The following MIPOL1 variants were observed in gnomAD, a reference collection of about 807,000 sequenced individuals.
MIPOL1 encodes mirror-image polydactyly 1.
A neutral mutation model predicts 60.9 loss-of-function variants in MIPOL1; 57 were observed. The observed-to-expected ratio is 0.94, with a 90% CI of 0.76 to 1.17. The LOEUF (loss-of-function observed/expected upper bound fraction) is 1.17, where lower values mean the gene tolerates loss of function less well. MIPOL1 is among the 50% of genes most tolerant of loss of function. The pLI is 0.00. For missense variants in MIPOL1, 551 were observed against 511.6 expected (o/e 1.08, Z -0.74); for synonymous variants, 179 against 168.8 (o/e 1.06, Z -0.47).
intron 9 of MIPOL1, among the ~76,000 whole-genome samples, chr14:37,338,490 C>A (rs1016353818): frequency 1.0e-4 from 15 of 149,706 alleles, no homozygotes. Context: ...CTCACTGCAA[C>A]CTCTGCCTCC....
intron 10 of MIPOL1, among the ~76,000 whole-genome samples, chr14:37,408,642 A>T (rs1292235435): frequency 6.6e-6 from 1 of 152,152 alleles, no homozygotes; most frequent in Non-Finnish European, 1.5e-5. Flanking sequence ...ACAAAACAAA[A>T]AAAGTCAGGA....
At position 37,201,126 on chromosome 14, in the gene MIPOL1, A is replaced by G. The variant is rs138823907; in HGVS notation, c.-199+3022A>G. Among the ~76,000 whole-genome samples the G allele has an allele frequency of 5.6e-3, 852 of 151,818 alleles. 6 individuals are homozygous for G. The highest frequency in any genetic ancestry group is 0.019 in the African/African-American group (805 of 41,370). ...TGCCATGTTGCCCAGGCTGGTTTTA[A>G]ACTCCTGAGCTCAAGTGATCCTCCT... On this transcript the variant is annotated intron_variant, in intron 1 of 12. Transcript: ENST00000684589.
At chr14:37,351,015 A>G (rs1420877261) in intron 9 of MIPOL1, among the ~76,000 whole-genome samples, 1 of 142,558 alleles carries the variant, frequency 7.0e-6, no homozygotes, top group East Asian at 2.2e-4. Flanking sequence ...CCACTAACTC[A>G]TCATCTAGCA....
intron 11 of MIPOL1, among the ~76,000 whole-genome samples, chr14:37,478,753 C>T (rs549526963): frequency 7.9e-5 from 12 of 151,890 alleles, no homozygotes; most frequent in East Asian, 7.7e-4. Context: ...CAAAAGATAG[C>T]GGGGGTAGCT....
At position 37,252,650 on chromosome 14, in the gene MIPOL1, T is replaced by C. The variant is rs1013571251; in HGVS notation, c.19+4743T>C. Among the ~76,000 whole-genome samples the C allele has an allele frequency of 3.0e-4, 46 of 151,984 alleles. 1 individual carries two copies. The highest frequency in any genetic ancestry group is 3.0e-3 in the Admixed American group (46 of 15,242). On this transcript the variant is annotated intron_variant, in intron 3 of 12. Coordinates refer to ENST00000684589, the MANE Select transcript of MIPOL1 (RefSeq NM_001388067.1). Reference sequence around the variant, plus strand: ...TGTGTGCCACCATCAACCTCTTGTATTATTGATTCATTTATCTTTCTCTCT... The same window carrying C: ...TGTGTGCCACCATCAACCTCTTGTACTATTGATTCATTTATCTTTCTCTCT...
chr14:37,443,292 C>T (rs1368673396), intron 11 of MIPOL1, among the ~76,000 whole-genome samples: 1 of 151,656 alleles, frequency 6.6e-6, no homozygotes, highest in Non-Finnish European at 1.5e-5. Context: ...GACCCTATCT[C>T]TACTAAAAAT....
intron 9 of MIPOL1, among the ~76,000 whole-genome samples, chr14:37,355,082 G>A (rs1248686932): frequency 2.7e-5 from 4 of 148,524 alleles, no homozygotes; most frequent in African/African-American, 9.9e-5. Flanking sequence ...TCCTTCAGGA[G>A]CTCTTTTAGG....
intron 11 of MIPOL1, among the ~76,000 whole-genome samples, chr14:37,435,136 T>TA (rs1419436970): frequency 1.3e-5 from 2 of 152,196 alleles, no homozygotes; most frequent in African/African-American, 4.8e-5. Flanking sequence ...ATATTACTTA[T>TA]AAAATGGATG....
rs144897076 is a variant in MIPOL1 at position 37,360,147 on chromosome 14, G to A, written c.829-9370G>A. ...TTATTGATTTGCATATGTTGAACCA[G>A]CCTTGCATCCCGGGGATGAAGCCGA... is the stretch of plus-strand genomic sequence containing the variant. On this transcript the variant is annotated intron_variant, in intron 9 of 12. Coordinates refer to ENST00000684589, the MANE Select transcript of MIPOL1 (RefSeq NM_001388067.1). Among the ~76,000 whole-genome samples, 1,435 of 152,130 alleles carry A rather than the reference G, an allele frequency of 9.4e-3. 19 individuals are homozygous for A. The highest frequency in any genetic ancestry group is 0.012 in the Non-Finnish European group (825 of 67,988).
rs148704060 is a variant in MIPOL1 at position 37,522,273 on chromosome 14, C to T, written c.1262+22135C>T. 1.5e-3 allele frequency among the ~76,000 whole-genome samples: 224 copies of T among 152,118 alleles called. 1 individual carries two copies. The highest frequency in any genetic ancestry group is 4.6e-3 in the African/African-American group (189 of 41,512). ...CATATTAATGTTAAGTGTTACTTTA[C>T]GCATCTTCAAATAAGAAAACGTTTT... is the stretch of plus-strand genomic sequence containing the variant. On this transcript the variant is annotated intron_variant, in intron 12 of 12. Transcript: ENST00000684589.
chr14:37,474,327 C>A (rs1283208197), intron 11 of MIPOL1, among the ~76,000 whole-genome samples: 1 of 152,144 alleles, frequency 6.6e-6, no homozygotes, highest in East Asian at 1.9e-4. Flanking sequence ...TGTGTCCCCA[C>A]CCAAATCTCA....
At chr14:37,447,996 G>C (rs2094362827) in intron 11 of MIPOL1, among the ~76,000 whole-genome samples, 4 of 151,942 alleles carry the variant, frequency 2.6e-5, no homozygotes, top group Admixed American at 2.6e-4. Flanking sequence ...ACTCTTGACT[G>C]GTTTTATAAA....
In MIPOL1 at chr14:37,546,974, G is replaced by GA. The variant is rs5807955; in HGVS notation, c.*11dup. On this transcript the variant is annotated 3_prime_UTR_variant, in exon 13 of 13. Coordinates refer to ENST00000684589, the MANE Select transcript of MIPOL1 (RefSeq NM_001388067.1). ...GGACCATGAGGACAGTGATCTGATTGAAAAAAAACGACAGTCTGGGGAAGC... is the reference window on the plus strand; with the variant it reads ...GGACCATGAGGACAGTGATCTGATTGAAAAAAAAACGACAGTCTGGGGAAGC... 155,249 of 1,476,164 alleles carry GA rather than the reference G, an allele frequency of 0.11. 7,899 individuals carry two copies. Among genetic ancestry groups the GA allele is most frequent in the Non-Finnish European group, 0.12 (126,490 of 1,078,844 alleles). 91.4% of individuals were successfully genotyped at this position (1,476,164 alleles called of 1,614,324 possible).
chr14:37,437,279 C>G (rs1013590497), intron 11 of MIPOL1, among the ~76,000 whole-genome samples: 17 of 151,998 alleles, frequency 1.1e-4, no homozygotes, highest in African/African-American at 3.9e-4. Context: ...GTTCAAAAGC[C>G]TAGGGATAGG....
intron 7 of MIPOL1, among the ~76,000 whole-genome samples, chr14:37,289,619 C>T (rs1194440280): frequency 6.6e-6 from 1 of 152,164 alleles, no homozygotes; most frequent in South Asian, 2.1e-4. Flanking sequence ...CTTCCGTGCC[C>T]TCCTTGGGTA....
chr14:37,434,184 T>C (rs1036119527), intron 11 of MIPOL1, among the ~76,000 whole-genome samples: 3 of 152,158 alleles, frequency 2.0e-5, no homozygotes, highest in African/African-American at 7.2e-5. Context: ...CCACATCCTC[T>C]CCAGCCTCTG....
At position 37,325,162 on chromosome 14, in the gene MIPOL1, C is replaced by T. The variant is rs571798542; in HGVS notation, c.828+16643C>T. On this transcript the variant is annotated intron_variant, in intron 9 of 12. Transcript: ENST00000684589. ...CTTAATAATTTTTAGTTTTTCAATC[C>T]ATGATATATATCTCCATTTATTTCA... Among the ~76,000 whole-genome samples, 5 of 152,172 alleles carry T rather than the reference C, an allele frequency of 3.3e-5. No individual in the cohort carries two copies. In the East Asian group the frequency reaches 9.7e-4, roughly 29 times the overall value.
At position 37,294,238 on chromosome 14, in the gene MIPOL1, A is replaced by G. The variant is rs376339537; in HGVS notation, c.623+8791A>G. 7.2e-5 allele frequency among the ~76,000 whole-genome samples: 11 copies of G among 152,224 alleles called. No homozygotes were observed. In the South Asian group the frequency reaches 2.3e-3, roughly 31 times the overall value. The stretch of plus-strand genomic sequence containing the variant: ...CTCCAGTAAACTCCAACAGACCTGC[A>G]GCTCAGGGTCCTGACTGTTAGAAGG... On this transcript the variant is annotated intron_variant, in intron 7 of 12. Transcript: ENST00000684589.
At chr14:37,248,951 G>C (rs149999101) in intron 3 of MIPOL1, among the ~76,000 whole-genome samples, 1 of 151,952 alleles carries the variant, frequency 6.6e-6, no homozygotes, top group Non-Finnish European at 1.5e-5. Context: ...GACAGACTGA[G>C]ATATGGCCTG....
Sources: gnomAD v4.1 joint callset for allele counts (sites outside exome capture counted in the v4.1 genomes callset) on GRCh38, gnomAD v4.1.1 for gene constraint, MANE v1.5 for transcripts, NCBI Gene and HGNC (gene_info 2026-07-23, HGNC 2026-07-21) for gene names.